MTUS2: variants seen among roughly 807,000 people sequenced by gnomAD.
MTUS2 encodes microtubule-associated tumor suppressor candidate 2.
In MTUS2, 40 loss-of-function variants were observed where a neutral mutation model predicts 114.1. That is an observed-to-expected ratio of 0.35 (90% CI 0.27 to 0.46). The LOEUF (loss-of-function observed/expected upper bound fraction) is 0.46. MTUS2 is among the 20% of genes least tolerant of loss of function. The pLI, the probability that MTUS2 is intolerant of heterozygous loss-of-function variation, is 1.00. For synonymous variants in MTUS2, 688 were observed against 672.0 expected (o/e 1.02, Z -0.37); for missense variants, 1,679 against 1,705.4 (o/e 0.98, Z 0.27).
intron 5 of MTUS2, among the ~76,000 whole-genome samples, chr13:29,143,080 G>A (rs551581402): frequency 3.9e-5 from 6 of 152,254 alleles, no homozygotes; most frequent in East Asian, 1.9e-4. Flanking sequence ...AACAGTGGGC[G>A]CCAGGAATTC....
intron 6 of MTUS2, chr13:29,307,078 A>G (rs569300035): frequency 2.1e-6 from 1 of 483,012 alleles, no homozygotes; most frequent in African/African-American, 1.9e-5. Flanking sequence ...GTCCACCAGC[A>G]TCTTCACCAT....
chr13:29,190,046 C>T (rs2139190658), intron 5 of MTUS2, among the ~76,000 whole-genome samples: 1 of 152,260 alleles, frequency 6.6e-6, no homozygotes, highest in African/African-American at 2.4e-5. Context: ...AGGCTGTCTG[C>T]CAGCATGAGG....
intron 5 of MTUS2, among the ~76,000 whole-genome samples, chr13:29,131,601 G>A (rs752678635): frequency 1.3e-5 from 2 of 152,250 alleles, no homozygotes; most frequent in Admixed American, 1.3e-4. Flanking sequence ...TGAGACATCT[G>A]TAGGTCAGCA....
At position 29,469,605 on chromosome 13, in the gene MTUS2, C is replaced by G. The variant is rs574546107; in HGVS notation, c.3185-10545C>G. Among the ~76,000 whole-genome samples, 107 of 141,500 alleles carry G rather than the reference C, an allele frequency of 7.6e-4. 1 individual carries two copies. The highest frequency in any genetic ancestry group is 1.3e-3 in the Non-Finnish European group (87 of 65,728). The allele number at this position is 141,500 out of a possible 152,430, so 92.8% of individuals were successfully genotyped here. A position where few individuals can be genotyped will look rare whatever the true frequency, so the allele number is the denominator to read the frequency against. ...TCGCGCCACTGCACTCCAGCCTGGG[C>G]AACAGAGCAAGACTATGTCTCAAAA... On this transcript the variant is annotated intron_variant, in intron 9 of 15. Transcript: ENST00000612955.
chr13:29,377,450 A>G (rs1163519141), intron 8 of MTUS2, among the ~76,000 whole-genome samples: 2 of 152,172 alleles, frequency 1.3e-5, no homozygotes, highest in East Asian at 3.8e-4. Context: ...TTGTGAGTTA[A>G]ACACAAACCA....
intron 7 of MTUS2, among the ~76,000 whole-genome samples, chr13:29,339,000 G>C (rs1011024353): frequency 4.6e-5 from 7 of 152,094 alleles, no homozygotes; most frequent in African/African-American, 1.7e-4. Flanking sequence ...TGGCTCCTGT[G>C]GGGGTAAAAC....
At chr13:29,389,437 GTA>G (rs1416913131) in intron 8 of MTUS2, among the ~76,000 whole-genome samples, 556 of 50,010 alleles carry the variant, frequency 0.011, 40 homozygotes, top group South Asian at 0.053. Flanking sequence ...ACACGTGTGT[GTA>G]TGTGTATGTA....
chr13:28,956,969 G>T (rs1566251052), intron 2 of MTUS2, among the ~76,000 whole-genome samples: 1 of 152,100 alleles, frequency 6.6e-6, no homozygotes, highest in Non-Finnish European at 1.5e-5. Context: ...GAAGAAGGCT[G>T]CCCTAGAGAT....
intron 5 of MTUS2, among the ~76,000 whole-genome samples, chr13:29,190,235 C>T (rs1311301069): frequency 6.6e-6 from 1 of 152,208 alleles, no homozygotes; most frequent in African/African-American, 2.4e-5. Flanking sequence ...TAGCTAATAC[C>T]TAACACTGGG....
chr13:29,373,250 G>C (rs928325417), intron 8 of MTUS2, among the ~76,000 whole-genome samples: 1 of 152,224 alleles, frequency 6.6e-6, no homozygotes, highest in South Asian at 2.1e-4. Flanking sequence ...CAACCTGCCA[G>C]AGGGAAACTG....
chr13:28,980,543 G>A (rs1884313352), intron 2 of MTUS2, among the ~76,000 whole-genome samples: 1 of 152,104 alleles, frequency 6.6e-6, no homozygotes, highest in Non-Finnish European at 1.5e-5. Context: ...CTCACTTAAG[G>A]GTACATCCTA....
chr13:28,873,933 A>G (rs1877776314), intron 2 of MTUS2, among the ~76,000 whole-genome samples: 1 of 152,230 alleles, frequency 6.6e-6, no homozygotes, highest in Admixed American at 6.5e-5. Flanking sequence ...TGGTAATGTT[A>G]TCCTGCTCTC....
intron 5 of MTUS2, among the ~76,000 whole-genome samples, chr13:29,214,451 T>C (rs1411573865): frequency 6.6e-6 from 1 of 152,208 alleles, no homozygotes; most frequent in African/African-American, 2.4e-5. Context: ...TTCTTCATAA[T>C]GTCGTTGGTC....
intron 2 of MTUS2, among the ~76,000 whole-genome samples, chr13:28,912,096 G>A (rs758108721): frequency 3.3e-5 from 5 of 151,776 alleles, no homozygotes; most frequent in Non-Finnish European, 4.4e-5. Flanking sequence ...GTCCTCAATG[G>A]TATTTTCTAG....
intron 9 of MTUS2, among the ~76,000 whole-genome samples, chr13:29,453,988 T>G (rs1878930533): frequency 6.6e-6 from 1 of 152,260 alleles, no homozygotes; most frequent in African/African-American, 2.4e-5. Flanking sequence ...ACTATCAGTC[T>G]ATTTGCTTAA....
intron 2 of MTUS2, among the ~76,000 whole-genome samples, chr13:28,903,984 G>T (rs1159518702): frequency 6.6e-6 from 1 of 152,118 alleles, no homozygotes; most frequent in Non-Finnish European, 1.5e-5. Flanking sequence ...TCTCATTGTG[G>T]TTTTGATTTG....
intron 5 of MTUS2, among the ~76,000 whole-genome samples, chr13:29,140,170 G>T (rs1373800001): frequency 1.3e-5 from 2 of 152,096 alleles, no homozygotes; most frequent in Non-Finnish European, 2.9e-5. Flanking sequence ...TCCTGATTTT[G>T]TCAAAATAAG....
At chr13:28,929,750 T>C (rs1365183605) in intron 2 of MTUS2, among the ~76,000 whole-genome samples, 1 of 152,220 alleles carries the variant, frequency 6.6e-6, no homozygotes, top group African/African-American at 2.4e-5. Flanking sequence ...ACCTGCTAAG[T>C]GTCAGGTGTG....
chr13:29,414,655 G>A (rs578236921), intron 8 of MTUS2, among the ~76,000 whole-genome samples: 18 of 151,674 alleles, frequency 1.2e-4, no homozygotes, highest in Non-Finnish European at 2.7e-4. Context: ...TCTTACGGTT[G>A]TTAATTATTT....
Sources: allele counts gnomAD v4.1 joint callset (sites outside exome capture counted in the v4.1 genomes callset), GRCh38; gene constraint gnomAD v4.1.1; transcripts MANE v1.5; gene names NCBI Gene and HGNC (gene_info 2026-07-23, HGNC 2026-07-21).